PDZD2: variants seen among roughly 807,000 people sequenced by gnomAD.
The protein encoded by PDZD2 is PDZ domain-containing protein 2.
Under a neutral mutation model 220.7 loss-of-function variants are expected in PDZD2, and 90 were observed. That is an observed-to-expected ratio of 0.41 (90% CI 0.34 to 0.49). The LOEUF (loss-of-function observed/expected upper bound fraction) is 0.49, where lower values mean the gene tolerates loss of function less well. Among genes scored for constraint, PDZD2 ranks in the 20% least tolerant of loss-of-function variants. The pLI is 0.28. For missense variants in PDZD2, 3,174 were observed against 3,608.5 expected, an observed-to-expected ratio of 0.88 and a Z score of 3.08; for synonymous variants, 1,375 against 1,450.5, an observed-to-expected ratio of 0.95 and a Z score of 1.18.
chr5:32,099,372 ATC>A (rs1229061046), intron 23 of PDZD2: 3 of 152,252 alleles, frequency 2.0e-5, no homozygotes, highest in African/African-American at 7.2e-5. Flanking sequence ...CCTTCTCCAC[ATC>A]TCTCCCTGAT....
At chr5:31,713,747 A>T (rs879630662) in intron 1 of PDZD2, among the ~76,000 whole-genome samples, 2 of 152,288 alleles carry the variant, frequency 1.3e-5, no homozygotes, top group African/African-American at 2.4e-5. Context: ...GGGTTTCACC[A>T]TGTTGGCTAG....
chr5:31,989,964 C>T (rs183258404), intron 3 of PDZD2, among the ~76,000 whole-genome samples: 21 of 152,302 alleles, frequency 1.4e-4, no homozygotes, highest in Non-Finnish European at 2.5e-4. Flanking sequence ...CAGGTTGCTG[C>T]GGCCTTTCTC....
Position 31,689,215 on chromosome 5 carries a change from C to T in PDZD2, c.-361+49778C>T, listed in dbSNP as rs184481647. Among the ~76,000 whole-genome samples the T allele has an allele frequency of 2.2e-3, 325 of 150,554 alleles. 1 individual carries two copies. Among genetic ancestry groups the T allele is most frequent in the African/African-American group, 7.5e-3 (307 of 40,738 alleles). On this transcript the variant is annotated intron_variant, in intron 1 of 24. Transcript: ENST00000438447. ...TCCTGAGTAGCTGGGATTACAGGCACTTGCCAGCATGCCTGGCTAATGTTT... is the reference window on the plus strand; with the variant it reads ...TCCTGAGTAGCTGGGATTACAGGCATTTGCCAGCATGCCTGGCTAATGTTT...
chr5:31,743,886 G>C (rs1304036340), intron 1 of PDZD2: 6 of 152,212 alleles, frequency 3.9e-5, no homozygotes, highest in Non-Finnish European at 7.3e-5. Flanking sequence ...TGTGCATTTT[G>C]AGAGGCTAGT....
chr5:31,744,166 G>A (rs1252330340), intron 1 of PDZD2: 1 of 152,204 alleles, frequency 6.6e-6, no homozygotes, highest in African/African-American at 2.4e-5. Flanking sequence ...GAACCATGAA[G>A]TCTGGTCCTT....
intron 1 of PDZD2, among the ~76,000 whole-genome samples, chr5:31,702,002 T>C (rs549661131): frequency 6.6e-6 from 1 of 152,380 alleles, no homozygotes; most frequent in Admixed American, 6.5e-5. Context: ...AACTGGCTTC[T>C]AAGCAGCCAC....
At chr5:31,965,663 G>A (rs1748673491) in intron 2 of PDZD2, among the ~76,000 whole-genome samples, 1 of 152,156 alleles carries the variant, frequency 6.6e-6, no homozygotes, top group Non-Finnish European at 1.5e-5. Context: ...GGGAGGCCAG[G>A]GCACGTGGAT....
chr5:31,674,993 C>T (rs536852801), intron 1 of PDZD2, among the ~76,000 whole-genome samples: 179 of 152,238 alleles, frequency 1.2e-3, no homozygotes, highest in African/African-American at 4.1e-3. Context: ...TGCTAACCAC[C>T]CTGTATGTGG....
chr5:31,937,458 T>C (rs1005864134), intron 2 of PDZD2, among the ~76,000 whole-genome samples: 1 of 152,144 alleles, frequency 6.6e-6, no homozygotes, highest in Non-Finnish European at 1.5e-5. Context: ...AAAGGCAAAA[T>C]TGGGAGCTGC....
intron 1 of PDZD2, among the ~76,000 whole-genome samples, chr5:31,673,787 A>G (rs1017297452): frequency 1.1e-4 from 17 of 152,136 alleles, no homozygotes; most frequent in African/African-American, 4.1e-4. Context: ...CCTGGCCAAC[A>G]TGGTGAAACC....
intron 1 of PDZD2, among the ~76,000 whole-genome samples, chr5:31,759,834 T>A (rs963953686): frequency 6.6e-6 from 1 of 152,116 alleles, no homozygotes; most frequent in African/African-American, 2.4e-5. Context: ...CATGAGCCAC[T>A]GCGCCTGGCC....
At chr5:31,689,913 CT>C (rs1381399787) in intron 1 of PDZD2, among the ~76,000 whole-genome samples, 11 of 152,096 alleles carry the variant, frequency 7.2e-5, no homozygotes, top group Admixed American at 7.2e-4. Flanking sequence ...AAAGTCCTTC[CT>C]TAGGAAGGAG....
At chr5:32,032,135 C>G (rs1453334566) in intron 6 of PDZD2, among the ~76,000 whole-genome samples, 2 of 152,148 alleles carry the variant, frequency 1.3e-5, no homozygotes, top group Non-Finnish European at 2.9e-5. Flanking sequence ...TTCTTCATTT[C>G]TGAAGTAAAC....
At chr5:32,035,587 C>T (rs1351881270) in intron 6 of PDZD2, among the ~76,000 whole-genome samples, 1 of 152,054 alleles carries the variant, frequency 6.6e-6, no homozygotes, top group African/African-American at 2.4e-5. Flanking sequence ...CCTCCTGTCT[C>T]ACCCTCCTGA....
In PDZD2 at chr5:32,084,379, T is replaced by C. The variant is rs559002232; in HGVS notation, c.3683-2752T>C. ...TCAGACACATTGCTTAACCACGCTG[T>C]TTCTCCGTCCTCATCCTTCCAATGC... is the stretch of plus-strand genomic sequence containing the variant. On this transcript the variant is annotated intron_variant, in intron 19 of 24. Transcript: ENST00000438447. Among the ~76,000 whole-genome samples the C allele has an allele frequency of 2.6e-5, 4 of 152,324 alleles. No homozygotes were observed. The South Asian group carries it at 8.3e-4, about 32-fold the overall frequency.
Position 32,089,320 on chromosome 5 carries a change from C to T in PDZD2, c.5872C>T (p.Leu1958=), listed in dbSNP as rs1354130384. The change falls in exon 20 of 25, where the codon CTG becomes TTG. Residue 1958 remains leucine, a synonymous_variant. Coordinates refer to ENST00000438447, the MANE Select transcript of PDZD2 (RefSeq NM_178140.4). ...TAAPRSPQCV[L]ESKPPLATSG... ...TGCCCCCAGGTCCCCCCAGTGTGTG[C>T]TGGAAAGCAAGCCACCTCTTGCCAC... 2 of 1,614,014 alleles carry T rather than the reference C, an allele frequency of 1.2e-6. No homozygotes were observed. Among genetic ancestry groups the T allele is most frequent in the Non-Finnish European group, 1.7e-6 (2 of 1,180,014 alleles).
At chr5:31,880,631 A>G (rs1739778710) in intron 2 of PDZD2, among the ~76,000 whole-genome samples, 4 of 152,032 alleles carry the variant, frequency 2.6e-5, no homozygotes, top group Admixed American at 2.6e-4. Context: ...TGTATGAAAT[A>G]GTTATTGTTC....
At chr5:31,965,870 G>T (rs577701595) in intron 2 of PDZD2, among the ~76,000 whole-genome samples, 1 of 152,116 alleles carries the variant, frequency 6.6e-6, no homozygotes, top group South Asian at 2.1e-4. Context: ...TTGCACTCCA[G>T]CCTGGGCAAG....
intron 2 of PDZD2, among the ~76,000 whole-genome samples, chr5:31,923,920 T>C (rs1744514298): frequency 6.6e-6 from 1 of 151,872 alleles, no homozygotes; most frequent in Non-Finnish European, 1.5e-5. Context: ...TAGAGTCGTG[T>C]CTCCTGCTTC....
Sources: allele counts gnomAD v4.1 joint callset (sites outside exome capture counted in the v4.1 genomes callset), GRCh38; gene constraint gnomAD v4.1.1; transcripts MANE v1.5; gene names NCBI Gene and HGNC (gene_info 2026-07-23, HGNC 2026-07-21).